Variants in GAS2 observed in about 807,000 individuals in gnomAD.
GAS2 encodes the protein growth arrest specific 2, also known as growth arrest-specific protein 2.
A neutral mutation model predicts 37.5 loss-of-function variants in GAS2; 20 were observed. The observed-to-expected ratio is 0.53, with a 90% CI of 0.37 to 0.77. The LOEUF is 0.77. Among genes scored for constraint, GAS2 ranks in the 30% least tolerant of loss-of-function variants. The probability of loss-of-function intolerance (pLI) is 0.00; values close to 1 mark genes in which losing one functional copy is unlikely to be tolerated. For missense variants in GAS2, 336 were observed against 373.4 expected (o/e 0.90, Z 0.82); for synonymous variants, 144 against 132.2 (o/e 1.09, Z -0.61).
At chr11:22,745,949 C>T (rs1277852361) in intron 5 of GAS2, among the ~76,000 whole-genome samples, 1 of 152,110 alleles carries the variant, frequency 6.6e-6, no homozygotes, top group Non-Finnish European at 1.5e-5. Flanking sequence ...GCAGACAGAT[C>T]ACTGGACCCC....
chr11:22,783,686 G>A (rs1855679675), intron 7 of GAS2, among the ~76,000 whole-genome samples: 1 of 152,068 alleles, frequency 6.6e-6, no homozygotes, highest in Non-Finnish European at 1.5e-5. Context: ...TGGGAGGAGG[G>A]GAAATTCTTC....
chr11:22,701,211 A>G (rs78153532), intron 3 of GAS2, among the ~76,000 whole-genome samples: 3,344 of 152,288 alleles, frequency 0.022, 120 homozygotes, highest in African/African-American at 0.07. Flanking sequence ...GGAGTTAAAT[A>G]TGATCATGGA....
rs530202879 is a variant in GAS2, at chr11:22,668,191, G to A, written c.-21+1292G>A. The A allele has an allele frequency of 2.0e-5, 3 of 152,336 alleles. No homozygotes were observed. The South Asian group carries it at 6.2e-4, about 32-fold the overall frequency. 9.4% of individuals were successfully genotyped at this position (152,336 alleles called of 1,614,324 possible). ...GCAGTGTGGACACTGATTAACTGCA[G>A]CTGGGGTCTGATTTGCCCAGCCTGT... On this transcript the variant is annotated intron_variant, in intron 1 of 7. Coordinates refer to ENST00000454584, the MANE Select transcript of GAS2 (RefSeq NM_001143830.3).
At chr11:22,788,187 G>A (rs1009745517) in intron 7 of GAS2, among the ~76,000 whole-genome samples, 9 of 152,142 alleles carry the variant, frequency 5.9e-5, no homozygotes, top group Non-Finnish European at 1.3e-4. Flanking sequence ...TTAAGCTCAT[G>A]GTAGTAAAAG....
chr11:22,789,532 G>A (rs1856033707), intron 7 of GAS2, among the ~76,000 whole-genome samples: 1 of 134,238 alleles, frequency 7.4e-6, no homozygotes, highest in Non-Finnish European at 1.6e-5. Context: ...CGTGATCTCG[G>A]CTCACTGCAA....
chr11:22,780,449 C>T (rs139504961), intron 7 of GAS2, among the ~76,000 whole-genome samples: 2,723 of 151,238 alleles, frequency 0.018, 74 homozygotes, highest in African/African-American at 0.063. Context: ...GAGCCGAAAT[C>T]GTGCCACTGC....
chr11:22,628,797 C>T (rs954827238), intron 1 of GAS2, among the ~76,000 whole-genome samples: 2 of 152,164 alleles, frequency 1.3e-5, no homozygotes, highest in East Asian at 1.9e-4. Context: ...ACCTCCCCTG[C>T]TTCCAAGTTT....
At chr11:22,643,751 G>T (rs1180510467) in intron 1 of GAS2, among the ~76,000 whole-genome samples, 1 of 151,160 alleles carries the variant, frequency 6.6e-6, no homozygotes, top group Non-Finnish European at 1.5e-5. Flanking sequence ...ATAAGAAGTT[G>T]TATTTCATAT....
chr11:22,762,915 C>A (rs760866234), intron 7 of GAS2, among the ~76,000 whole-genome samples: 3 of 152,066 alleles, frequency 2.0e-5, no homozygotes, highest in Non-Finnish European at 4.4e-5. Flanking sequence ...TCTTCTCTTG[C>A]TAATTGTAGT....
At chr11:22,784,313 T>G (rs1855721423) in intron 7 of GAS2, among the ~76,000 whole-genome samples, 1 of 152,160 alleles carries the variant, frequency 6.6e-6, no homozygotes, top group Non-Finnish European at 1.5e-5. Flanking sequence ...CATTTAAGGG[T>G]TCTGTGTCTT....
At chr11:22,737,633 T>C in intron 4 of GAS2, 72 bp from the exon 5 acceptor site, 1 of 1,409,766 alleles carries the variant, frequency 7.1e-7, no homozygotes, top group South Asian at 1.2e-5. Flanking sequence ...ATGAGGGTCA[T>C]TGGCAAGCCT....
chr11:22,676,067 G>A (rs549696695), intron 2 of GAS2, among the ~76,000 whole-genome samples: 1 of 151,806 alleles, frequency 6.6e-6, no homozygotes, highest in East Asian at 1.9e-4. Flanking sequence ...TTTCTTCATG[G>A]TGTGCACACA....
At chr11:22,687,796 A>G (rs1014438080) in intron 3 of GAS2, among the ~76,000 whole-genome samples, 5 of 152,222 alleles carry the variant, frequency 3.3e-5, no homozygotes, top group Non-Finnish European at 5.9e-5. Context: ...GGTTTACAGT[A>G]AAGCAATGAA....
rs370339609 is a variant in GAS2 at position 22,757,589 on chromosome 11, A to G, written c.723+1636A>G. ...GTCCAGCAAGTAATGGCATCATGCT[A>G]TTATGACATGTTTTAGAATAGTGTC... On this transcript the variant is annotated intron_variant, in intron 7 of 7. Coordinates refer to ENST00000454584, the MANE Select transcript of GAS2 (RefSeq NM_001143830.3). 3.3e-5 allele frequency among the ~76,000 whole-genome samples: 5 copies of G among 152,324 alleles called. No homozygotes were observed. In the East Asian group the frequency reaches 9.6e-4, roughly 29 times the overall value.
chr11:22,685,816 T>C (rs1239157751), intron 3 of GAS2, 27 bp downstream of exon 3: 1 of 1,590,488 alleles, frequency 6.3e-7, no homozygotes, highest in African/African-American at 1.4e-5. Flanking sequence ...CAAAAATCAC[T>C]CTTAGGTGGT....
intron 7 of GAS2, among the ~76,000 whole-genome samples, chr11:22,763,795 T>C (rs1854529077): frequency 6.6e-6 from 1 of 152,176 alleles, no homozygotes; most frequent in South Asian, 2.1e-4. Context: ...TTTATAGTGC[T>C]CTAAGCCATA....
chr11:22,709,038 C>T (rs977234244), intron 3 of GAS2, among the ~76,000 whole-genome samples: 42 of 152,006 alleles, frequency 2.8e-4, no homozygotes, highest in Non-Finnish European at 4.3e-4. Flanking sequence ...AGACAGTGTG[C>T]AGGCTAATAC....
chr11:22,715,186 G>C (rs1308857185), intron 3 of GAS2, among the ~76,000 whole-genome samples: 1 of 152,140 alleles, frequency 6.6e-6, no homozygotes, highest in Non-Finnish European at 1.5e-5. Flanking sequence ...AGGTGCCACA[G>C]GTGTGGTGGC....
intron 1 of GAS2, among the ~76,000 whole-genome samples, chr11:22,655,099 A>G (rs1002250791): frequency 6.6e-6 from 1 of 151,918 alleles, no homozygotes; most frequent in Non-Finnish European, 1.5e-5. Flanking sequence ...CATGTTCTGA[A>G]CTCCTAAGCT....
Sources: allele counts gnomAD v4.1 joint callset (sites outside exome capture counted in the v4.1 genomes callset), GRCh38; gene constraint gnomAD v4.1.1; transcripts MANE v1.5; gene names NCBI Gene and HGNC (gene_info 2026-07-23, HGNC 2026-07-21).